MID2: variants seen among roughly 807,000 people sequenced by gnomAD.
MID2 encodes the protein midline 2, also known as probable E3 ubiquitin-protein ligase MID2.
A neutral mutation model predicts 46.1 loss-of-function variants in MID2; 13 were observed. The ratio of observed to expected loss-of-function variants is 0.28; its 90% CI spans 0.18 to 0.45. The LOEUF is 0.45. Among genes scored for constraint, MID2 ranks in the 20% least tolerant of loss-of-function variants. MID2 has a pLI of 1.00. For synonymous variants in MID2, 199 were observed against 212.3 expected, an observed-to-expected ratio of 0.94 and a Z score of 0.55; for missense variants, 431 against 575.4, an observed-to-expected ratio of 0.75 and a Z score of 2.57.
intron 1 of MID2, among the ~76,000 whole-genome samples, chrX:107,829,015 G>A (rs748292359): frequency 8.9e-6 from 1 of 111,865 alleles, no homozygotes; most frequent in South Asian, 3.8e-4. Flanking sequence ...TAGTAGCTGG[G>A]ACTATAGGCA....
rs1156605190 is a variant in MID2, at chrX:107,928,012, GC to G, written c.*941del. On this transcript the variant is annotated 3_prime_UTR_variant, in exon 10 of 10. Transcript: ENST00000262843. ...AAGTGATGCTACCTACTTGAGGATG[GC>G]CATCTGAATTGTTAAAAATTCTGTC... 1.8e-5 allele frequency among the ~76,000 whole-genome samples: 2 copies of G among 111,035 alleles called. No homozygotes were observed. The highest frequency in any genetic ancestry group is 6.6e-5 in the African/African-American group (2 of 30,525).
intron 3 of MID2, among the ~76,000 whole-genome samples, chrX:107,880,463 G>A (rs1932295102): frequency 9.0e-6 from 1 of 110,990 alleles, no homozygotes; most frequent in Non-Finnish European, 1.9e-5. Flanking sequence ...GGTGGGAGTG[G>A]TTAGTCATTG....
rs934405178 is a variant in MID2 at position 107,874,493 on chromosome X, A to G, written c.816+19789A>G. On this transcript the variant is annotated intron_variant, in intron 3 of 9. Coordinates refer to ENST00000262843, the MANE Select transcript of MID2 (RefSeq NM_012216.4). ...ATCAAGCTCCTTACTTAGGTAGCCT[A>G]CAGGCTGCTGGGCTGGACCAGGGCT... 6.2e-5 allele frequency among the ~76,000 whole-genome samples: 7 copies of G among 112,537 alleles called. No individual in the cohort carries two copies. In the Admixed American group the frequency reaches 6.5e-4, roughly 11 times the overall value.
intron 2 of MID2, among the ~76,000 whole-genome samples, chrX:107,847,437 A>G (rs1481229397): frequency 9.0e-6 from 1 of 111,719 alleles, no homozygotes; most frequent in Non-Finnish European, 1.9e-5. Context: ...ATTGGAGAAG[A>G]AGGACCAAAC....
At chrX:107,883,233 G>A (rs144492053) in intron 3 of MID2, among the ~76,000 whole-genome samples, 2,450 of 111,275 alleles carry the variant, frequency 0.022, 60 homozygotes, top group African/African-American at 0.077. Flanking sequence ...GTTAGCATGA[G>A]GAGAAATGCC....
At position 107,930,764 on chromosome X, in the gene MID2, A is replaced by T; in HGVS notation, c.*3691A>T. ...AAAGAGAATAGGACTTGTATTTAAC[A>T]TTTTCAAAGAAGGTGACTGCATAAG... On this transcript the variant is annotated 3_prime_UTR_variant, in exon 10 of 10. Coordinates refer to ENST00000262843, the MANE Select transcript of MID2 (RefSeq NM_012216.4). Among the ~76,000 whole-genome samples the T allele has an allele frequency of 8.9e-6, 1 of 112,140 alleles. No individual in the cohort carries two copies. The highest frequency in any genetic ancestry group is 2.8e-4 in the East Asian group (1 of 3,587).
chrX:107,840,791 G>T lies in MID2; in HGVS notation c.126G>T (p.Leu42=). The part of the protein sequence containing the change: ...ICLELFEDPL[L]LPCAHSLCFS... ...TAGAGTTGTTTGAAGACCCCCTTCT[G>T]CTCCCTTGTGCTCACAGCCTCTGCT... The change falls in exon 2 of 10, where the codon CTG becomes CTT. Residue 42 remains leucine, a synonymous_variant. Coordinates refer to ENST00000262843, the MANE Select transcript of MID2 (RefSeq NM_012216.4). 2.5e-6 allele frequency: 3 copies of T among 1,211,157 alleles called. No individual in the cohort carries two copies. Among genetic ancestry groups the T allele is most frequent in the Non-Finnish European group, 3.4e-6 (3 of 895,227 alleles).
At position 107,931,625 on chromosome X, in the gene MID2, A is replaced by G. The variant is rs182922606; in HGVS notation, c.*4552A>G. Reference sequence around the variant, plus strand: ...TATATTATGAATTAAATAAATATATATGTATTCATGAATTCTTTGTTGTCT... The same window carrying G: ...TATATTATGAATTAAATAAATATATGTGTATTCATGAATTCTTTGTTGTCT... On this transcript the variant is annotated 3_prime_UTR_variant, in exon 10 of 10. Coordinates refer to ENST00000262843, the MANE Select transcript of MID2 (RefSeq NM_012216.4). 3.2e-3 allele frequency among the ~76,000 whole-genome samples: 360 copies of G among 111,542 alleles called. 1 individual carries two copies. The highest frequency in any genetic ancestry group is 0.011 in the African/African-American group (330 of 30,703).
rs756964821 is a variant in MID2, at chrX:107,829,565, G to T, written c.4+3135G>T. Among the ~76,000 whole-genome samples the T allele has an allele frequency of 1.2e-4, 13 of 112,312 alleles. No homozygotes were observed. The South Asian group carries it at 4.5e-3, about 39-fold the overall frequency. ...GGGTATGGCTATATAAGCATGATTAGCACCTAGTAGCAGAGTCAACAATAT... is the reference window on the plus strand; with the variant it reads ...GGGTATGGCTATATAAGCATGATTATCACCTAGTAGCAGAGTCAACAATAT... On this transcript the variant is annotated intron_variant, in intron 1 of 9. Transcript: ENST00000262843.
In MID2 at chrX:107,927,037, A is replaced by G. The variant is rs897556268; in HGVS notation, c.2172A>G (p.Glu724=). 5 of 1,207,667 alleles carry G rather than the reference A, an allele frequency of 4.1e-6. No homozygotes were observed. The highest frequency in any genetic ancestry group is 4.5e-6 in the Non-Finnish European group (4 of 893,990). The part of the protein sequence containing the change: ...ERQECNCRPQ[E]SPYVSGMKTC... ...AGGAATGCAACTGCAGGCCTCAAGA[A>G]TCCCCTTATGTTTCTGGGATGAAAA... Residue 724 remains glutamate, a synonymous_variant, in exon 10 of 10, where the codon GAA becomes GAG. Transcript: ENST00000262843.
intron 2 of MID2, among the ~76,000 whole-genome samples, chrX:107,846,873 A>G (rs1030549347): frequency 2.7e-5 from 3 of 112,294 alleles, no homozygotes; most frequent in Non-Finnish European, 5.6e-5. Context: ...TTTGAGAACA[A>G]TTTACAAAAT....
At position 107,930,873 on chromosome X, in the gene MID2, T is replaced by C. The variant is rs1933270004; in HGVS notation, c.*3800T>C. Among the ~76,000 whole-genome samples the C allele has an allele frequency of 8.9e-6, 1 of 112,619 alleles. No homozygotes were observed. Among genetic ancestry groups the C allele is most frequent in the African/African-American group, 3.2e-5 (1 of 31,078 alleles). ...ATTTTATGTCTGCAATTTATGCTTG[T>C]TTCCACTTTTTATATTGTCTTATTG... On this transcript the variant is annotated 3_prime_UTR_variant, in exon 10 of 10. Coordinates refer to ENST00000262843, the MANE Select transcript of MID2 (RefSeq NM_012216.4).
chrX:107,877,445 C>G (rs1259396306), intron 3 of MID2, among the ~76,000 whole-genome samples: 1 of 112,042 alleles, frequency 8.9e-6, no homozygotes, highest in East Asian at 2.8e-4. Flanking sequence ...AAATAGGTGT[C>G]TCTCATTTCA....
At chrX:107,830,105 G>A (rs774244086) in intron 1 of MID2, among the ~76,000 whole-genome samples, 2 of 112,083 alleles carry the variant, frequency 1.8e-5, no homozygotes, top group South Asian at 3.7e-4. Flanking sequence ...AACTACACAA[G>A]GAGTATGTCT....
In MID2 at chrX:107,927,650, T is replaced by C. The variant is rs1933207255; in HGVS notation, c.*577T>C. On this transcript the variant is annotated 3_prime_UTR_variant, in exon 10 of 10. Transcript: ENST00000262843. ...TCACTTGTGTATGTATGTTTATGCA[T>C]ATTCACTTTATATATTACATATACA... 8.9e-6 allele frequency among the ~76,000 whole-genome samples: 1 copy of C among 112,169 alleles called. No homozygotes were observed. Among genetic ancestry groups the C allele is most frequent in the Admixed American group, 9.5e-5 (1 of 10,576 alleles).
chrX:107,925,064 G>C (rs1020119571), intron 8 of MID2, among the ~76,000 whole-genome samples: 10 of 112,376 alleles, frequency 8.9e-5, no homozygotes, highest in African/African-American at 3.2e-4. Flanking sequence ...ATGGCTGCAA[G>C]ATGGCCACTG....
chrX:107,924,878 AC>A (rs1483852180), intron 8 of MID2, among the ~76,000 whole-genome samples: 1 of 112,614 alleles, frequency 8.9e-6, no homozygotes, highest in African/African-American at 3.2e-5. Context: ...AGTGCAACTA[AC>A]ATAGCTTAAC....
intron 3 of MID2, among the ~76,000 whole-genome samples, chrX:107,871,976 C>A (rs2147843498): frequency 1.8e-5 from 2 of 111,941 alleles, no homozygotes; most frequent in South Asian, 7.5e-4. Context: ...GGCTTGAGGG[C>A]AAGACCTTTG....
At chrX:107,887,164 A>G (rs767426688) in intron 3 of MID2, among the ~76,000 whole-genome samples, 1 of 111,493 alleles carries the variant, frequency 9.0e-6, no homozygotes, top group South Asian at 3.8e-4. Context: ...CACTGTGTTG[A>G]ATAGGAGTGG....
Sources: gnomAD v4.1 joint callset for allele counts (sites outside exome capture counted in the v4.1 genomes callset) on GRCh38, gnomAD v4.1.1 for gene constraint, MANE v1.5 for transcripts, NCBI Gene and HGNC (gene_info 2026-07-23, HGNC 2026-07-21) for gene names.